CFAP299: variants seen among roughly 807,000 people sequenced by gnomAD.
CFAP299 encodes cilia- and flagella-associated protein 299.
Under a neutral mutation model 27.0 loss-of-function variants are expected in CFAP299, and 21 were observed. The ratio of observed to expected loss-of-function variants is 0.78; its 90% CI spans 0.55 to 1.12. The LOEUF (loss-of-function observed/expected upper bound fraction) is 1.12, where lower values mean the gene tolerates loss of function less well. Ranked by LOEUF, CFAP299 falls within the 50% of genes most tolerant of loss-of-function variation. CFAP299 has a pLI of 0.00. For missense variants in CFAP299, 310 were observed against 276.6 expected (o/e 1.12, Z -0.86); for synonymous variants, 104 against 98.1 (o/e 1.06, Z -0.36).
At chr4:80,740,057 C>A (rs1465794072) in intron 3 of CFAP299, among the ~76,000 whole-genome samples, 1 of 152,210 alleles carries the variant, frequency 6.6e-6, no homozygotes, top group East Asian at 1.9e-4. Context: ...TGAATTCCTT[C>A]TCTGTGTTAT....
At chr4:80,390,585 GTATATATGTATATATGTATACACACATA>G (rs1166064547) in intron 2 of CFAP299, among the ~76,000 whole-genome samples, 1 of 82,138 alleles carries the variant, frequency 1.2e-5, no homozygotes, top group East Asian at 4.3e-4. Context: ...ACACATATAT[GTATATATGTATATATGTATACACACATA>G]TGTATATATG....
At chr4:80,736,875 G>A (rs1723919302) in intron 3 of CFAP299, among the ~76,000 whole-genome samples, 1 of 152,120 alleles carries the variant, frequency 6.6e-6, no homozygotes, top group African/African-American at 2.4e-5. Flanking sequence ...TATGTTTATT[G>A]CTGCATTATT....
intron 3 of CFAP299, among the ~76,000 whole-genome samples, chr4:80,644,402 A>G (rs1739883187): frequency 6.6e-6 from 1 of 152,156 alleles, no homozygotes; most frequent in Non-Finnish European, 1.5e-5. Flanking sequence ...TTCAAGACTA[A>G]AAATCAAAAA....
At chr4:80,661,978 GA>G (rs1287529605) in intron 3 of CFAP299, among the ~76,000 whole-genome samples, 1 of 152,092 alleles carries the variant, frequency 6.6e-6, no homozygotes, top group Non-Finnish European at 1.5e-5. Context: ...TTAGGACGAG[GA>G]AATTCCCACT....
chr4:80,435,752 A>G (rs1302968728), intron 2 of CFAP299, among the ~76,000 whole-genome samples: 3 of 152,186 alleles, frequency 2.0e-5, no homozygotes, highest in African/African-American at 7.2e-5. Context: ...TGTAATTCCT[A>G]CCTAGTGGGA....
At chr4:80,852,332 C>T (rs1202110179) in intron 3 of CFAP299, among the ~76,000 whole-genome samples, 2 of 152,110 alleles carry the variant, frequency 1.3e-5, no homozygotes, top group African/African-American at 4.8e-5. Context: ...GGGGATGGGA[C>T]TCAGCAATCT....
intron 4 of CFAP299, among the ~76,000 whole-genome samples, chr4:80,909,356 A>C (rs1362319356): frequency 6.6e-6 from 1 of 152,098 alleles, no homozygotes; most frequent in Non-Finnish European, 1.5e-5. Context: ...GCACTAAATT[A>C]AAAATTGTAA....
At chr4:80,514,235 A>G (rs1307954373) in intron 2 of CFAP299, among the ~76,000 whole-genome samples, 6 of 152,038 alleles carry the variant, frequency 3.9e-5, no homozygotes, top group Non-Finnish European at 8.8e-5. Context: ...TTAGTAATGA[A>G]CTTTTCAGAT....
rs377331847 is a variant in CFAP299 at position 80,359,309 on chromosome 4, T to C, written c.112-3445T>C. On this transcript the variant is annotated intron_variant, in intron 1 of 5. Transcript: ENST00000358105. ...ATGATTATGTATCTTGGAGATGATC[T>C]TCTTGTGAAGTACCTTACTGGGGTT... Among the ~76,000 whole-genome samples the C allele has an allele frequency of 9.8e-5, 15 of 152,290 alleles. 1 individual carries two copies. The East Asian group carries it at 2.9e-3, about 29-fold the overall frequency.
intron 2 of CFAP299, among the ~76,000 whole-genome samples, chr4:80,375,725 A>T (rs556701360): frequency 6.6e-6 from 1 of 152,380 alleles, no homozygotes; most frequent in African/African-American, 2.4e-5. Context: ...TAGTGAAGGG[A>T]ATGCAAAGCA....
chr4:80,861,046 A>G (rs979412480), intron 3 of CFAP299, among the ~76,000 whole-genome samples: 2 of 152,172 alleles, frequency 1.3e-5, no homozygotes, highest in African/African-American at 4.8e-5. Flanking sequence ...GGCCTCCTTG[A>G]GCTGTGGTGG....
chr4:80,824,350 T>C (rs545978344), intron 3 of CFAP299, among the ~76,000 whole-genome samples: 1 of 152,292 alleles, frequency 6.6e-6, no homozygotes, highest in Admixed American at 6.5e-5. Context: ...GCGCAGTTTA[T>C]ACACGGTTTC....
chr4:80,851,017 T>A (rs1442149399), intron 3 of CFAP299, among the ~76,000 whole-genome samples: 2 of 152,088 alleles, frequency 1.3e-5, no homozygotes, highest in Non-Finnish European at 2.9e-5. Flanking sequence ...AAGAGCAAAT[T>A]TATGGAATGA....
At chr4:80,590,551 T>C (rs191302394) in intron 3 of CFAP299, among the ~76,000 whole-genome samples, 3 of 152,022 alleles carry the variant, frequency 2.0e-5, no homozygotes, top group Non-Finnish European at 2.9e-5. Context: ...GCAGGAGAAT[T>C]GTTTGAACCC....
At chr4:80,523,196 T>G (rs1026180770) in intron 2 of CFAP299, among the ~76,000 whole-genome samples, 3 of 152,160 alleles carry the variant, frequency 2.0e-5, no homozygotes, top group Non-Finnish European at 4.4e-5. Context: ...ACAGATCATT[T>G]GCCTCCTTGG....
intron 2 of CFAP299, among the ~76,000 whole-genome samples, chr4:80,414,058 G>T (rs1189519731): frequency 2.3e-5 from 3 of 130,948 alleles, no homozygotes; most frequent in Non-Finnish European, 4.7e-5. Flanking sequence ...AAACAAATGG[G>T]TATTTCTTTT....
intron 4 of CFAP299, chr4:80,871,572 A>G (rs1220185931): frequency 5.1e-6 from 5 of 985,452 alleles, no homozygotes; most frequent in African/African-American, 1.7e-5. Flanking sequence ...GGCAAATGGC[A>G]TCACCCTTGA....
intron 3 of CFAP299, among the ~76,000 whole-genome samples, chr4:80,856,301 T>C (rs1334870722): frequency 2.1e-5 from 3 of 145,942 alleles, no homozygotes; most frequent in East Asian, 3.9e-4. Flanking sequence ...TTCTGGATAT[T>C]AGCCCTTTGT....
At chr4:80,386,889 G>T in intron 2 of CFAP299, 1 of 847,004 alleles carries the variant, frequency 1.2e-6, no homozygotes. Context: ...CTCGCACACC[G>T]AGCATTTGTA....
Sources: gnomAD v4.1 joint callset for allele counts (sites outside exome capture counted in the v4.1 genomes callset) on GRCh38, gnomAD v4.1.1 for gene constraint, MANE v1.5 for transcripts, NCBI Gene and HGNC (gene_info 2026-07-23, HGNC 2026-07-21) for gene names.